The following PGM3 variants were observed in gnomAD, a reference collection of about 807,000 sequenced individuals.
The protein encoded by PGM3 is phosphoacetylglucosamine mutase.
A neutral mutation model predicts 66.2 loss-of-function variants in PGM3; 40 were observed. That is an observed-to-expected ratio of 0.60 (90% CI 0.47 to 0.79). PGM3 has a LOEUF of 0.79. Among genes scored for constraint, PGM3 ranks in the 30% least tolerant of loss-of-function variants. The pLI is 0.00. For synonymous variants in PGM3, 191 were observed against 224.2 expected (o/e 0.85, Z 1.32); for missense variants, 537 against 643.4 (o/e 0.83, Z 1.79).
chr6:83,163,035 A>G, downstream of PGM3: 1 of 1,196,140 alleles, frequency 8.4e-7, no homozygotes, highest in Non-Finnish European at 1.2e-6. Context: ...CTATTTTGAA[A>G]ACAAGTCCCC....
In PGM3 at chr6:83,166,140, C is replaced by T. The variant is rs1181255122; in HGVS notation, c.*3094G>A. ...TAGAGAAAATGACACTTCAAAACAA[C>T]GAATTTTTTTATTTTTCACTCAGCT... On this transcript the variant is annotated 3_prime_UTR_variant, in exon 13 of 13. Coordinates refer to ENST00000513973, the MANE Select transcript of PGM3 (RefSeq NM_015599.3). 3.9e-5 allele frequency: 18 copies of T among 457,906 alleles called. No homozygotes were observed. The highest frequency in any genetic ancestry group is 2.0e-4 in the East Asian group (6 of 30,246). The allele number at this position is 457,906 out of a possible 1,614,324, so 28.4% of individuals were successfully genotyped here.
chr6:83,175,516 C>T (rs571349856), intron 9 of PGM3, among the ~76,000 whole-genome samples: 2 of 152,238 alleles, frequency 1.3e-5, no homozygotes, highest in East Asian at 3.9e-4. Context: ...AAATTATACA[C>T]TTTAAAATGT....
At chr6:83,175,745 C>G (rs1787716359) in intron 9 of PGM3, among the ~76,000 whole-genome samples, 2 of 152,094 alleles carry the variant, frequency 1.3e-5, no homozygotes, top group African/African-American at 2.4e-5. Context: ...TTCAAAACAC[C>G]TTAGTATATC....
At chr6:83,180,431 CTT>C (rs1051110012) in intron 6 of PGM3, among the ~76,000 whole-genome samples, 4 of 152,180 alleles carry the variant, frequency 2.6e-5, no homozygotes, top group African/African-American at 7.2e-5. Context: ...AGAATTATAA[CTT>C]TGAGAGATAA....
Position 83,167,065 on chromosome 6 carries a change from G to C in PGM3, c.*2169C>G, listed in dbSNP as rs1465967520. 5.1e-6 allele frequency: 5 copies of C among 984,848 alleles called. No individual in the cohort carries two copies. The African/African-American group carries it at 8.7e-5, about 17-fold the overall frequency. The allele number at this position is 984,848 out of a possible 1,614,324, so 61.0% of individuals were successfully genotyped here. A position where few individuals can be genotyped will look rare whatever the true frequency, so the allele number is the denominator to read the frequency against. ...GTAATTCAGGTGGCTTCTCAAACTA[G>C]CCTCTTAATACCCAAATTATTAGTC... On this transcript the variant is annotated 3_prime_UTR_variant, in exon 13 of 13. Coordinates refer to ENST00000513973, the MANE Select transcript of PGM3 (RefSeq NM_015599.3).
chr6:83,165,749 C>G lies in PGM3; in HGVS notation c.*3485G>C, dbSNP rs1006003403. Reference sequence around the variant, plus strand: ...GCAAAACTTCATAGCCCAATTAGTTCAATTTTCGAAGCGTTGGTTGTGCAA... The same window carrying G: ...GCAAAACTTCATAGCCCAATTAGTTGAATTTTCGAAGCGTTGGTTGTGCAA... On this transcript the variant is annotated 3_prime_UTR_variant, in exon 13 of 13. Transcript: ENST00000513973. 1 of 238,858 alleles carries G rather than the reference C, an allele frequency of 4.2e-6. No homozygotes were observed. The highest frequency in any genetic ancestry group is 2.3e-5 in the African/African-American group (1 of 44,166). 14.8% of individuals were successfully genotyped at this position (238,858 alleles called of 1,614,324 possible). A position where few individuals can be genotyped will look rare whatever the true frequency, so the allele number is the denominator to read the frequency against.
chr6:83,183,119 TAAAAAG>T, intron 4 of PGM3, 141 bp from the exon 5 acceptor site: 2 of 730,086 alleles, frequency 2.7e-6, no homozygotes, highest in Middle Eastern at 2.6e-4. Flanking sequence ...AAAATGATCT[TAAAAAG>T]AAATATAAAT....
Position 83,168,470 on chromosome 6 carries a change from T to TC in PGM3, c.*763dup, listed in dbSNP as rs1786385226. On this transcript the variant is annotated 3_prime_UTR_variant, in exon 13 of 13. Coordinates refer to ENST00000513973, the MANE Select transcript of PGM3 (RefSeq NM_015599.3). ...AAATATACACTACCCATTTTTTTTT[T>TC]CCATTGGTTTCAGACTTGGTTCAAT... is the stretch of plus-strand genomic sequence containing the variant. 9.6e-7 allele frequency: 1 copy of TC among 1,042,228 alleles called. No individual in the cohort carries two copies. The highest frequency in any genetic ancestry group is 1.7e-5 in the African/African-American group (1 of 58,882). 64.6% of individuals were successfully genotyped at this position (1,042,228 alleles called of 1,614,324 possible).
intron 4 of PGM3, among the ~76,000 whole-genome samples, chr6:83,184,535 A>C (rs779988784): frequency 6.6e-6 from 1 of 152,232 alleles, no homozygotes; most frequent in Non-Finnish European, 1.5e-5. Flanking sequence ...TAATTTTGTG[A>C]CCAATATCAA....
At chr6:83,171,353 G>A (rs1160923529) in intron 11 of PGM3, 1 of 152,014 alleles carries the variant, frequency 6.6e-6, no homozygotes, top group African/African-American at 2.4e-5. Context: ...TTAAAAAAGT[G>A]ATGCGTCATT....
chr6:83,158,387 T>C (rs1783345740), downstream of PGM3, among the ~76,000 whole-genome samples: 1 of 152,174 alleles, frequency 6.6e-6, no homozygotes, highest in Admixed American at 6.5e-5. Context: ...CACCAAATGA[T>C]TAGCAAGGCT....
At chr6:83,149,467 T>G in the PGM3 span, among the ~76,000 whole-genome samples, 2 of 152,234 alleles carry the variant, frequency 1.3e-5, no homozygotes, top group Admixed American at 1.3e-4. Flanking sequence ...GGAAGGGTAT[T>G]CTGGGGCAAA....
rs556072785 is a variant in PGM3, at chr6:83,188,581, G to A, written c.389+33C>T. The A allele has an allele frequency of 9.0e-4, 1,176 of 1,303,084 alleles. 11 individuals are homozygous for A. The South Asian group carries it at 0.015, about 17-fold the overall frequency. The allele number at this position is 1,303,084 out of a possible 1,614,324, so 80.7% of individuals were successfully genotyped here. A position where few individuals can be genotyped will look rare whatever the true frequency, so the allele number is the denominator to read the frequency against. On this transcript the variant is annotated intron_variant, in intron 3 of 12. Transcript: ENST00000513973. ...AATCGTTTATATCACGTTCCCAAAG[G>A]TTTTTTTTTTTACCAGTAACTCTTA...
At chr6:83,156,421 A>G (rs1782806117), downstream of PGM3, among the ~76,000 whole-genome samples, 1 of 152,218 alleles carries the variant, frequency 6.6e-6, no homozygotes, top group Non-Finnish European at 1.5e-5. Flanking sequence ...GTGGACAAGA[A>G]TTTGTGTACT....
chr6:83,187,125 G>A (rs145838740), intron 3 of PGM3, 50 bp from the exon 4 acceptor site: 4 of 1,222,966 alleles, frequency 3.3e-6, no homozygotes, highest in Middle Eastern at 1.9e-4. Context: ...AAACTGGCAG[G>A]GTTGCTGGTT....
chr6:83,153,951 G>T, the PGM3 span: 13 of 1,613,858 alleles, frequency 8.1e-6, no homozygotes, highest in African/African-American at 1.3e-4. Flanking sequence ...GTCTTAGTGG[G>T]TATCAGTACA....
In PGM3 at chr6:83,165,467, A is replaced by C. The variant is rs183788216; in HGVS notation, c.*3767T>G. ...ATTGCTGTTTGGGACCATGAATTTT[A>C]AGTCATTATAACTAGGTTCACACAA... On this transcript the variant is annotated 3_prime_UTR_variant, in exon 13 of 13. Transcript: ENST00000513973. 1 of 153,334 alleles carries C rather than the reference A, an allele frequency of 6.5e-6. No homozygotes were observed. The highest frequency in any genetic ancestry group is 6.5e-5 in the Admixed American group (1 of 15,340). The allele number at this position is 153,334 out of a possible 1,614,324, so 9.5% of individuals were successfully genotyped here.
downstream of PGM3, among the ~76,000 whole-genome samples, chr6:83,159,300 G>A (rs1228189524): frequency 6.6e-6 from 1 of 151,860 alleles, no homozygotes; most frequent in African/African-American, 2.4e-5. Context: ...TTTAGACAGG[G>A]TCTCATCTTT....
chr6:83,193,386 A>T (rs1304481182), upstream of PGM3: 1 of 152,220 alleles, frequency 6.6e-6, no homozygotes, highest in Non-Finnish European at 1.5e-5. Context: ...CGCCTGAGGA[A>T]CTGCGGCTGC....
Sources: gnomAD v4.1 joint callset for allele counts (sites outside exome capture counted in the v4.1 genomes callset) on GRCh38, gnomAD v4.1.1 for gene constraint, MANE v1.5 for transcripts, NCBI Gene and HGNC (gene_info 2026-07-23, HGNC 2026-07-21) for gene names.